The following ARHGEF11 variants were observed in gnomAD, a reference collection of about 807,000 sequenced individuals.
ARHGEF11 encodes Rho guanine nucleotide exchange factor 11, also known as Rho guanine exchange factor (GEF) 11.
A neutral mutation model predicts 193.7 loss-of-function variants in ARHGEF11; 55 were observed. That is an observed-to-expected ratio of 0.28 (90% confidence interval 0.23 to 0.36). The LOEUF (loss-of-function observed/expected upper bound fraction) is 0.36, where lower values mean the gene tolerates loss of function less well. Ranked by LOEUF, ARHGEF11 falls within the 10% of genes least tolerant of loss-of-function variation. ARHGEF11 has a pLI of 1.00. For missense variants in ARHGEF11, 1,723 were observed against 2,005.6 expected, an observed-to-expected ratio of 0.86 and a Z score of 2.69; for synonymous variants, 693 against 768.0, an observed-to-expected ratio of 0.90 and a Z score of 1.62.
chr1:156,961,356 G>A (rs1010163470), intron 14 of ARHGEF11, among the ~76,000 whole-genome samples: 3 of 152,114 alleles, frequency 2.0e-5, no homozygotes, highest in South Asian at 4.1e-4. Context: ...CTGTTTCTTC[G>A]GCCTAGGGAT....
At chr1:157,018,429 G>C (rs1254563822) in intron 1 of ARHGEF11, among the ~76,000 whole-genome samples, 1 of 152,082 alleles carries the variant, frequency 6.6e-6, no homozygotes, top group African/African-American at 2.4e-5. Flanking sequence ...GGATCATGCG[G>C]TCAGGAGATT....
At chr1:156,936,497 A>AAAAAAAAATAAAAAAAAAAATAT (rs370282821) in intron 40 of ARHGEF11, among the ~76,000 whole-genome samples, 3 of 33,916 alleles carry the variant, frequency 8.8e-5, no homozygotes, top group African/African-American at 4.6e-4. Flanking sequence ...AAAAAAAAAA[A>AAAAAAAAATAAAAAAAAAAATAT]ATATATATAT....
At position 156,946,648 on chromosome 1, in the gene ARHGEF11, G is replaced by A. The variant is rs749009958; in HGVS notation, c.2694+14C>T. The A allele has an allele frequency of 1.2e-6, 2 of 1,614,032 alleles. No individual in the cohort carries two copies. Among genetic ancestry groups the A allele is most frequent in the South Asian group, 2.2e-5 (2 of 91,002 alleles). ...TGGAGATGAAGGAAGGCCAAGGCATGGCCAAGGACGCACCTGCATGAAGAG... is the reference window on the plus strand; with the variant it reads ...TGGAGATGAAGGAAGGCCAAGGCATAGCCAAGGACGCACCTGCATGAAGAG... On this transcript the variant is annotated intron_variant, in intron 28 of 40. Coordinates refer to ENST00000368194, the MANE Select transcript of ARHGEF11 (RefSeq NM_198236.3).
intron 34 of ARHGEF11, 77 bp from the exon 35 acceptor site, chr1:156,941,510 G>A: frequency 1.3e-6 from 2 of 1,500,698 alleles, no homozygotes; most frequent in Non-Finnish European, 9.3e-7. Context: ...GGGCAATGGA[G>A]TAGGATCCGA....
chr1:156,964,010 T>A (rs539843379), intron 11 of ARHGEF11, among the ~76,000 whole-genome samples: 1 of 152,296 alleles, frequency 6.6e-6, no homozygotes, highest in African/African-American at 2.4e-5. Flanking sequence ...CCAAACCTAG[T>A]GTCTACCACA....
At chr1:156,976,549 C>T (rs930845902) in intron 7 of ARHGEF11, among the ~76,000 whole-genome samples, 4 of 152,268 alleles carry the variant, frequency 2.6e-5, no homozygotes, top group Admixed American at 1.3e-4. Flanking sequence ...TTATTCCACT[C>T]CAGTAAATTA....
At position 156,937,363 on chromosome 1, in the gene ARHGEF11, T is replaced by C. The variant is rs528951675; in HGVS notation, c.4326A>G (p.Gly1442=). The C allele has an allele frequency of 1.9e-6, 3 of 1,611,528 alleles. No individual in the cohort carries two copies. The East Asian group carries it at 6.7e-5, about 36-fold the overall frequency. The change falls in exon 39 of 41, where the codon GGA becomes GGG. Residue 1442 remains glycine (G), a synonymous_variant. Coordinates refer to ENST00000368194, the MANE Select transcript of ARHGEF11 (RefSeq NM_198236.3). ...TGGGGCGTCTTGGATCATCGTTGCCTCCCTGCAGCTGAGGCTGAGGCTCTG... is the reference window on the plus strand; with the variant it reads ...TGGGGCGTCTTGGATCATCGTTGCCCCCCTGCAGCTGAGGCTGAGGCTCTG... ...GQTEPQPQLQ[G]GNDDPRRPSR...
rs1395966205 is a variant in ARHGEF11 at position 156,946,684 on chromosome 1, C to T, written c.2672G>A (p.Ser891Asn). The T allele has an allele frequency of 6.2e-7, 1 of 1,614,118 alleles. No individual in the cohort carries two copies. Among genetic ancestry groups the T allele is most frequent in the African/African-American group, 1.3e-5 (1 of 74,942 alleles). ...ELIKTKQRKESRFQLFMQEAE... is the reference protein window; with the variant it reads ...ELIKTKQRKENRFQLFMQEAE... Reference sequence around the variant, plus strand: ...CACCTGCATGAAGAGCTGGAATCGACTCTCCTTGCGTTGCTTGGTCTTGAT... The same window carrying T: ...CACCTGCATGAAGAGCTGGAATCGATTCTCCTTGCGTTGCTTGGTCTTGAT... The change falls in exon 28 of 41, where the codon AGT (serine) becomes AAT (asparagine). Residue 891 changes from serine (S) to asparagine (N), a missense_variant. Coordinates refer to ENST00000368194, the MANE Select transcript of ARHGEF11 (RefSeq NM_198236.3).
intron 1 of ARHGEF11, among the ~76,000 whole-genome samples, chr1:157,040,897 C>T (rs1045048514): frequency 6.6e-6 from 1 of 152,252 alleles, no homozygotes; most frequent in Non-Finnish European, 1.5e-5. Flanking sequence ...CCTCAAATGA[C>T]ACACCATATA....
At chr1:157,038,029 CAAAAAAA>C (rs145416871) in intron 1 of ARHGEF11, among the ~76,000 whole-genome samples, 1 of 45,518 alleles carries the variant, frequency 2.2e-5, no homozygotes, top group Non-Finnish European at 3.7e-5. Flanking sequence ...AAGACTGTCT[CAAAAAAA>C]AAAAAAAAAA....
At chr1:156,939,471 G>C (rs1203122886) in intron 37 of ARHGEF11, 77 bp downstream of exon 37, 1 of 1,591,432 alleles carries the variant, frequency 6.3e-7, no homozygotes, top group South Asian at 1.1e-5. Context: ...GTATAGGGAA[G>C]GAAGCAGCTG....
At chr1:156,969,465 T>C in intron 9 of ARHGEF11, 107 bp from the exon 10 acceptor site, 1 of 1,037,716 alleles carries the variant, frequency 9.6e-7, no homozygotes. Flanking sequence ...AGCTGCCACC[T>C]TTTCTTTCAC....
intron 11 of ARHGEF11, among the ~76,000 whole-genome samples, chr1:156,965,761 T>C (rs999551601): frequency 3.9e-5 from 6 of 152,222 alleles, no homozygotes; most frequent in African/African-American, 1.4e-4. Context: ...TGATTAGAAT[T>C]TTCTTTTGAT....
At chr1:157,022,607 T>C (rs561317162) in intron 1 of ARHGEF11, among the ~76,000 whole-genome samples, 2 of 152,230 alleles carry the variant, frequency 1.3e-5, no homozygotes, top group African/African-American at 4.8e-5. Flanking sequence ...CAAAGTTATC[T>C]ACAGATTTGA....
chr1:156,994,567 A>G (rs1049063719), intron 1 of ARHGEF11, among the ~76,000 whole-genome samples: 1 of 152,086 alleles, frequency 6.6e-6, no homozygotes, highest in Non-Finnish European at 1.5e-5. Context: ...AGACAAAAAG[A>G]GATTTTAGGA....
chr1:156,959,165 GC>G, intron 15 of ARHGEF11, 23 bp from the exon 16 acceptor site: 1 of 1,608,600 alleles, frequency 6.2e-7, no homozygotes, highest in East Asian at 2.2e-5. Context: ...ATCAGAGAAA[GC>G]AGAGTGGATG....
intron 22 of ARHGEF11, among the ~76,000 whole-genome samples, chr1:156,951,328 C>A (rs1263597953): frequency 6.6e-6 from 1 of 152,074 alleles, no homozygotes; most frequent in Non-Finnish European, 1.5e-5. Flanking sequence ...GTGATAAATC[C>A]AAAGGGAATT....
intron 1 of ARHGEF11, among the ~76,000 whole-genome samples, chr1:156,992,772 G>A (rs1233669321): frequency 6.6e-6 from 1 of 152,108 alleles, no homozygotes; most frequent in Non-Finnish European, 1.5e-5. Context: ...CTCTCCAGAT[G>A]GGCATGTCTT....
Position 156,984,403 on chromosome 1 carries a change from G to A in ARHGEF11, c.159C>T (p.Asp53=). 6.3e-7 allele frequency: 1 copy of A among 1,598,968 alleles called. No individual in the cohort carries two copies. The highest frequency in any genetic ancestry group is 1.1e-5 in the South Asian group (1 of 88,020). ...TGACTGTGAAGCCGAAGCCATGCTG[G>A]TCCTTTTGGATAATGACACAGCGTT... ...LVQRCVIIQK[D]QHGFGFTVSG... Residue 53 remains aspartate, a synonymous_variant, in exon 3 of 41, where the codon GAC becomes GAT. Transcript: ENST00000368194.
Sources: gnomAD v4.1 joint callset for allele counts (sites outside exome capture counted in the v4.1 genomes callset) on GRCh38, gnomAD v4.1.1 for gene constraint, MANE v1.5 for transcripts, NCBI Gene and HGNC (gene_info 2026-07-23, HGNC 2026-07-21) for gene names.